PTPN22: variants seen among roughly 807,000 people sequenced by gnomAD.
The protein encoded by PTPN22 is protein tyrosine phosphatase non-receptor type 22.
A neutral mutation model predicts 103.3 loss-of-function variants in PTPN22; 85 were observed. The ratio of observed to expected loss-of-function variants is 0.82; its 90% confidence interval spans 0.69 to 0.99. The LOEUF (loss-of-function observed/expected upper bound fraction) is 0.99. PTPN22 is among the 50% of genes least tolerant of loss of function. The pLI is 0.00. For missense variants in PTPN22, 865 were observed against 936.9 expected (o/e 0.92, Z 1.00); for synonymous variants, 323 against 310.2 (o/e 1.04, Z -0.43).
intron 11 of PTPN22, among the ~76,000 whole-genome samples, chr1:113,847,725 C>T (rs573879215): frequency 6.0e-5 from 9 of 151,100 alleles, no homozygotes; most frequent in Middle Eastern, 3.5e-3. Context: ...ATTACAGGTG[C>T]GCATCACCAT....
At chr1:113,837,182 T>C (rs1463334101) in intron 13 of PTPN22, among the ~76,000 whole-genome samples, 1 of 152,136 alleles carries the variant, frequency 6.6e-6, no homozygotes, top group East Asian at 1.9e-4. Context: ...CTAGGCGTGG[T>C]GGCTCATGCC....
chr1:113,834,842 T>C, intron 14 of PTPN22, 68 bp downstream of exon 14: 2 of 1,264,448 alleles, frequency 1.6e-6, no homozygotes, highest in Non-Finnish European at 1.1e-6. Flanking sequence ...CCCAAAGTGC[T>C]GGAATTAAAG....
At chr1:113,824,211 C>T (rs1447795626) in intron 19 of PTPN22, among the ~76,000 whole-genome samples, 1 of 151,938 alleles carries the variant, frequency 6.6e-6, no homozygotes, top group Non-Finnish European at 1.5e-5. Context: ...AAGCAATCCT[C>T]CTGCCCCAGC....
At chr1:113,860,762 G>T (rs976727091) in intron 1 of PTPN22, among the ~76,000 whole-genome samples, 4 of 152,188 alleles carry the variant, frequency 2.6e-5, no homozygotes, top group African/African-American at 7.2e-5. Flanking sequence ...CTGCTGAAAA[G>T]ATCTCAAGTC....
intron 18 of PTPN22, 41 bp downstream of exon 18, chr1:113,829,551 A>G: frequency 8.3e-7 from 1 of 1,210,016 alleles, no homozygotes; most frequent in South Asian, 1.5e-5. Flanking sequence ...TCAGTAAGGG[A>G]AAGTTTCCGG....
intron 5 of PTPN22, among the ~76,000 whole-genome samples, chr1:113,856,987 T>C (rs1182251767): frequency 6.6e-6 from 1 of 152,202 alleles, no homozygotes; most frequent in Admixed American, 6.5e-5. Flanking sequence ...AGTAGAACAG[T>C]GATATCCAGT....
rs1471171491 is a variant in PTPN22 at position 113,838,200 on chromosome 1, CT to C, written c.1199del (p.Lys400ArgfsTer5). On this transcript the variant is annotated frameshift_variant, in exon 13 of 21. Transcript: ENST00000359785. LOFTEE classifies it high-confidence loss of function. ...GAGGCTCCCCAACTATTGGAAATGC[CT>C]TTGTCTGCCATTTCATGGTTGTGTC... The C allele has an allele frequency of 5.6e-6, 9 of 1,614,030 alleles. No homozygotes were observed. The highest frequency in any genetic ancestry group is 1.6e-4 in the Middle Eastern group (1 of 6,062).
At chr1:113,860,347 T>A (rs1025018042) in intron 1 of PTPN22, among the ~76,000 whole-genome samples, 1 of 152,184 alleles carries the variant, frequency 6.6e-6, no homozygotes, top group African/African-American at 2.4e-5. Context: ...TAATTATAGA[T>A]ATGTATGTAT....
exon 8 of PTPN22, chr1:113,854,929 C>T (rs956166635): frequency 1.2e-6 from 2 of 1,613,332 alleles, no homozygotes; most frequent in African/African-American, 2.7e-5. Context: ...CATATGGGAA[C>T]ACTGTCATCC....
At chr1:113,845,604 G>A (rs1663991203) in intron 11 of PTPN22, among the ~76,000 whole-genome samples, 1 of 152,126 alleles carries the variant, frequency 6.6e-6, no homozygotes, top group South Asian at 2.1e-4. Context: ...AAAAGAATGT[G>A]TATTCTTATT....
At chr1:113,841,521 A>G (rs1663542239) in intron 11 of PTPN22, among the ~76,000 whole-genome samples, 1 of 152,154 alleles carries the variant, frequency 6.6e-6, no homozygotes, top group African/African-American at 2.4e-5. Context: ...GGTATTTGCA[A>G]ATCACATATC....
chr1:113,846,172 T>C lies in PTPN22; in HGVS notation c.915+2368A>G, dbSNP rs963465474. 2.6e-5 allele frequency among the ~76,000 whole-genome samples: 4 copies of C among 152,216 alleles called. No individual in the cohort carries two copies. In the East Asian group the frequency reaches 7.7e-4, roughly 29 times the overall value. ...TCAAGTTTCATTCTGCTATTTTATT[T>C]TTTGTTTTCTCTTTATTCTTTCTGT... is the stretch of plus-strand genomic sequence containing the variant. On this transcript the variant is annotated intron_variant, in intron 11 of 20. Transcript: ENST00000359785.
intron 16 of PTPN22, among the ~76,000 whole-genome samples, chr1:113,831,869 C>T (rs1046155479): frequency 2.0e-5 from 3 of 152,152 alleles, no homozygotes; most frequent in African/African-American, 7.2e-5. Flanking sequence ...AGTACTCTTT[C>T]TCATACATCC....
rs147049599 is a variant in PTPN22, at chr1:113,869,596, T to A, written c.87+1941A>T. Among the ~76,000 whole-genome samples the A allele has an allele frequency of 4.4e-3, 673 of 152,228 alleles. 3 individuals are homozygous for A. The highest frequency in any genetic ancestry group is 7.3e-3 in the Non-Finnish European group (498 of 68,020). On this transcript the variant is annotated intron_variant, in intron 1 of 20. Coordinates refer to ENST00000359785, the Ensembl canonical transcript of PTPN22. ...TTTTAGTAGAAATGGGGTTTCATTA[T>A]GTTGGCCAGGATGGTCTCAAACTCC... is the stretch of plus-strand genomic sequence containing the variant.
At chr1:113,850,461 G>A (rs1473103084) in intron 10 of PTPN22, among the ~76,000 whole-genome samples, 3 of 152,132 alleles carry the variant, frequency 2.0e-5, no homozygotes, top group Non-Finnish European at 2.9e-5. Context: ...AATGAAATTC[G>A]TTTTTGAAAT....
chr1:113,864,614 C>CA (rs34054118), intron 1 of PTPN22, among the ~76,000 whole-genome samples: 1,432 of 70,730 alleles, frequency 0.02, 10 homozygotes, highest in African/African-American at 0.026. Flanking sequence ...GGCCCTGTCT[C>CA]AAAAAAAAAA....
intron 1 of PTPN22, chr1:113,864,325 G>A (rs1482215388): frequency 6.8e-6 from 3 of 441,590 alleles, no homozygotes; most frequent in Non-Finnish European, 4.5e-6. Flanking sequence ...AGGAAGTCAA[G>A]TCTGCAGTGA....
At chr1:113,826,162 C>T (rs148193453) in intron 18 of PTPN22, among the ~76,000 whole-genome samples, 2,276 of 152,056 alleles carry the variant, frequency 0.015, 59 homozygotes, top group African/African-American at 0.052. Flanking sequence ...GACTGGGCAA[C>T]ATGGTGAGAC....
chr1:113,833,235 A>G, intron 15 of PTPN22, 97 bp from the exon 16 acceptor site: 1 of 831,874 alleles, frequency 1.2e-6, no homozygotes. Context: ...TATATGTAAT[A>G]TAGCTGTAGA....
Sources: allele counts gnomAD v4.1 joint callset (sites outside exome capture counted in the v4.1 genomes callset), GRCh38; gene constraint gnomAD v4.1.1; transcripts MANE v1.5; gene names NCBI Gene and HGNC (gene_info 2026-07-23, HGNC 2026-07-21).